The following APBB2 variants were observed in gnomAD, a reference collection of about 807,000 sequenced individuals.
The protein encoded by APBB2 is Fe65-like 1.
Under a neutral mutation model 82.5 loss-of-function variants are expected in APBB2, and 38 were observed. The observed-to-expected ratio is 0.46, with a 90% CI of 0.36 to 0.60. The LOEUF (loss-of-function observed/expected upper bound fraction) is 0.60. Ranked by LOEUF, APBB2 falls within the 20% of genes least tolerant of loss-of-function variation. The pLI, the probability that APBB2 is intolerant of heterozygous loss-of-function variation, is 0.00. For synonymous variants in APBB2, 341 were observed against 368.2 expected (o/e 0.93, Z 0.85); for missense variants, 772 against 972.3 (o/e 0.79, Z 2.74).
At chr4:41,015,810 C>G (rs1809748331) in intron 5 of APBB2, among the ~76,000 whole-genome samples, 1 of 152,102 alleles carries the variant, frequency 6.6e-6, no homozygotes, top group Non-Finnish European at 1.5e-5. Context: ...GCTCTTAGGC[C>G]TCATTTTACA....
At position 40,942,812 on chromosome 4, in the gene APBB2, T is replaced by C. The variant is rs113609871; in HGVS notation, c.1044+2053A>G. On this transcript the variant is annotated intron_variant, in intron 7 of 17. Coordinates refer to ENST00000508593, the MANE Select transcript of APBB2 (RefSeq NM_004307.2). Reference sequence around the variant, plus strand: ...AAGGGGAGAGATGCACTCTGCTACCTGGCAGTTTTCCCCAGAGCCAGCACC... The same window carrying C: ...AAGGGGAGAGATGCACTCTGCTACCCGGCAGTTTTCCCCAGAGCCAGCACC... Among the ~76,000 whole-genome samples, 241 of 152,290 alleles carry C rather than the reference T, an allele frequency of 1.6e-3. 1 individual carries two copies. Among genetic ancestry groups the C allele is most frequent in the African/African-American group, 5.3e-3 (221 of 41,552 alleles).
intron 6 of APBB2, among the ~76,000 whole-genome samples, chr4:41,007,738 C>T (rs925666526): frequency 1.3e-5 from 2 of 152,160 alleles, no homozygotes; most frequent in African/African-American, 2.4e-5. Context: ...CATTAATGAT[C>T]GTGAATCTAT....
intron 12 of APBB2, among the ~76,000 whole-genome samples, chr4:40,840,613 A>G (rs569391826): frequency 6.6e-6 from 1 of 152,188 alleles, no homozygotes; most frequent in Non-Finnish European, 1.5e-5. Flanking sequence ...CAAGCTTAAA[A>G]AGATGCTAAG....
Position 41,186,151 on chromosome 4 carries a change from G to C in APBB2, c.-417+28254C>G, listed in dbSNP as rs56112491. Among the ~76,000 whole-genome samples the C allele has an allele frequency of 7.6e-3, 1,156 of 152,286 alleles. 8 individuals carry two copies. Among genetic ancestry groups the C allele is most frequent in the African/African-American group, 0.026 (1,092 of 41,560 alleles). On this transcript the variant is annotated intron_variant, in intron 1 of 17. Coordinates refer to ENST00000508593, the MANE Select transcript of APBB2 (RefSeq NM_004307.2). ...ACCTATCTAATTTCATCAGCCTTCT[G>C]AAATTATATCTTTCACTAAAGCAGC...
chr4:40,958,981 C>T (rs59702021), intron 6 of APBB2, among the ~76,000 whole-genome samples: 12,145 of 152,258 alleles, frequency 0.08, 541 homozygotes, highest in Middle Eastern at 0.14. Flanking sequence ...TTATTACTTT[C>T]TCCTCCAGCT....
intron 6 of APBB2, among the ~76,000 whole-genome samples, chr4:40,975,786 ACAC>A (rs1031585578): frequency 2.0e-5 from 3 of 150,208 alleles, no homozygotes; most frequent in East Asian, 1.9e-4. Flanking sequence ...ACACACACAC[ACAC>A]AACAACCACT....
chr4:40,814,363 A>G lies in APBB2; in HGVS notation c.*1729T>C, dbSNP rs1745078392. The stretch of plus-strand genomic sequence containing the variant: ...TACCTGCTCTTCTTAGTATATGCCC[A>G]GAATCATTCTGGAAAGGCTCTTCCT... On this transcript the variant is annotated 3_prime_UTR_variant, in exon 18 of 18. Coordinates refer to ENST00000508593, the MANE Select transcript of APBB2 (RefSeq NM_004307.2). The G allele has an allele frequency of 6.6e-6, 1 of 152,234 alleles. No homozygotes were observed. The highest frequency in any genetic ancestry group is 2.4e-5 in the African/African-American group (1 of 41,448). The allele number at this position is 152,234 out of a possible 1,614,324, so 9.4% of individuals were successfully genotyped here.
intron 13 of APBB2, among the ~76,000 whole-genome samples, chr4:40,828,648 G>C (rs941630891): frequency 6.6e-6 from 1 of 152,188 alleles, no homozygotes; most frequent in African/African-American, 2.4e-5. Context: ...CACATAAATG[G>C]CATTCCATTC....
At chr4:40,839,976 G>A (rs1755287940) in intron 12 of APBB2, among the ~76,000 whole-genome samples, 1 of 152,134 alleles carries the variant, frequency 6.6e-6, no homozygotes, top group South Asian at 2.1e-4. Flanking sequence ...CACGAGGGGT[G>A]TTTTTTAATA....
chr4:40,954,811 A>G (rs1341168700), intron 6 of APBB2, among the ~76,000 whole-genome samples: 24 of 152,230 alleles, frequency 1.6e-4, no homozygotes, highest in Non-Finnish European at 3.1e-4. Flanking sequence ...TTATAGGCAC[A>G]CACCATCACA....
intron 6 of APBB2, among the ~76,000 whole-genome samples, chr4:41,006,962 T>C (rs1233270801): frequency 6.6e-6 from 1 of 152,168 alleles, no homozygotes. Flanking sequence ...CATAATTAGG[T>C]TTGTGACTCT....
At chr4:40,816,335 C>G in intron 17 of APBB2, 76 bp from the exon 18 acceptor site, 1 of 1,486,538 alleles carries the variant, frequency 6.7e-7, no homozygotes, top group Admixed American at 1.7e-5. Context: ...TAAGTCATGA[C>G]CCATAATACA....
chr4:41,014,272 A>G lies in APBB2; in HGVS notation c.146T>C (p.Leu49Ser). 1 of 1,614,154 alleles carries G rather than the reference A, an allele frequency of 6.2e-7. No individual in the cohort carries two copies. Residue 49 changes from leucine to serine, a missense_variant, in exon 6 of 18, where the codon TTG (leucine) becomes TCG (serine). By Grantham distance (145) the Leu-to-Ser change is moderately radical. Transcript: ENST00000508593. ...TTCTGTGTGTTTTATTTCAGCGTTC[A>G]ACAGTTCATTGTGGGAGGATCGGAG... Reference protein sequence around the residue: ...LNLRSSHNELLNAEIKHTETK... With the variant: ...LNLRSSHNELSNAEIKHTETK...
chr4:40,884,755 C>A (rs567583226), intron 12 of APBB2, among the ~76,000 whole-genome samples: 43 of 152,222 alleles, frequency 2.8e-4, no homozygotes, highest in African/African-American at 1.0e-3. Flanking sequence ...CAGAGCAAGA[C>A]CCTGTCTCTA....
At chr4:40,828,378 C>T (rs1750675534) in intron 13 of APBB2, among the ~76,000 whole-genome samples, 1 of 152,192 alleles carries the variant, frequency 6.6e-6, no homozygotes. Flanking sequence ...TCTTCATTCC[C>T]AGACTAAGTT....
chr4:41,178,126 C>T (rs1221368247), intron 1 of APBB2, among the ~76,000 whole-genome samples: 2 of 152,124 alleles, frequency 1.3e-5, no homozygotes, highest in African/African-American at 4.8e-5. Flanking sequence ...CAAATGCAAA[C>T]CATATAAACA....
At chr4:40,905,554 T>A (rs1190828491) in intron 10 of APBB2, among the ~76,000 whole-genome samples, 1 of 152,218 alleles carries the variant, frequency 6.6e-6, no homozygotes, top group African/African-American at 2.4e-5. Flanking sequence ...CATTCCCAAG[T>A]CAGCTCCTGC....
intron 1 of APBB2, among the ~76,000 whole-genome samples, chr4:41,161,509 G>A (rs151161651): frequency 1.7e-3 from 257 of 152,326 alleles, no homozygotes; most frequent in African/African-American, 5.6e-3. Flanking sequence ...AGGAGGCTGA[G>A]GTGGGAGGAT....
intron 4 of APBB2, among the ~76,000 whole-genome samples, chr4:41,057,126 G>C (rs904108108): frequency 5.9e-5 from 9 of 152,182 alleles, no homozygotes; most frequent in African/African-American, 2.2e-4. Context: ...AGACTAAAAA[G>C]TCTAGATATT....
Sources: allele counts gnomAD v4.1 joint callset (sites outside exome capture counted in the v4.1 genomes callset), GRCh38; gene constraint gnomAD v4.1.1; transcripts MANE v1.5; gene names NCBI Gene and HGNC (gene_info 2026-07-23, HGNC 2026-07-21).